SNTG1: variants seen among roughly 807,000 people sequenced by gnomAD.
The protein encoded by SNTG1 is syntrophin gamma 1.
A neutral mutation model predicts 74.7 loss-of-function variants in SNTG1; 39 were observed. That is an observed-to-expected ratio of 0.52 (90% CI 0.40 to 0.68). The LOEUF is 0.68. Ranked by LOEUF, SNTG1 falls within the 30% of genes least tolerant of loss-of-function variation. The pLI is 0.00. For synonymous variants in SNTG1, 254 were observed against 217.1 expected (o/e 1.17, Z -1.49); for missense variants, 685 against 609.5 (o/e 1.12, Z -1.30).
chr8:49,998,107 G>A (rs1340285407), intron 1 of SNTG1, among the ~76,000 whole-genome samples: 2 of 152,000 alleles, frequency 1.3e-5, no homozygotes, highest in African/African-American at 2.4e-5. Context: ...TAACAGCATG[G>A]TAAGCATTTG....
intron 2 of SNTG1, among the ~76,000 whole-genome samples, chr8:50,280,985 C>CAAAAAAAAAAAAAAAAAAAAAAAA (rs35973666): frequency 9.3e-5 from 7 of 75,416 alleles, no homozygotes; most frequent in Admixed American, 1.5e-4. Flanking sequence ...AACCCAGTCT[C>CAAAAAAAAAAAAAAAAAAAAAAAA]AAAAAAAAAA....
At chr8:50,784,180 A>G (rs569427814) in intron 18 of SNTG1, among the ~76,000 whole-genome samples, 1 of 152,230 alleles carries the variant, frequency 6.6e-6, no homozygotes, top group East Asian at 1.9e-4. Flanking sequence ...ATTAACATTT[A>G]CCTTTAAAAT....
chr8:50,106,015 C>T lies in SNTG1; in HGVS notation c.-102-66546C>T, dbSNP rs373026099. Among the ~76,000 whole-genome samples the T allele has an allele frequency of 7.9e-5, 12 of 152,186 alleles. No homozygotes were observed. In the East Asian group the frequency reaches 1.5e-3, roughly 20 times the overall value. On this transcript the variant is annotated intron_variant, in intron 1 of 18. Coordinates refer to ENST00000642720, the MANE Select transcript of SNTG1 (RefSeq NM_018967.5). ...ACTTACTCTCTTCCTATTTGGATGC[C>T]TTTTATTTCTTTCTCTTGCCTGATT...
intron 15 of SNTG1, among the ~76,000 whole-genome samples, chr8:50,703,862 T>C (rs1321094870): frequency 6.6e-6 from 1 of 152,186 alleles, no homozygotes; most frequent in African/African-American, 2.4e-5. Flanking sequence ...AGTTCATCAT[T>C]AACCCAAACA....
intron 13 of SNTG1, among the ~76,000 whole-genome samples, chr8:50,604,330 C>T (rs1174494137): frequency 6.6e-6 from 1 of 151,844 alleles, no homozygotes; most frequent in African/African-American, 2.4e-5. Context: ...GTGGGAGGAT[C>T]ACTTGAGCCC....
intron 12 of SNTG1, among the ~76,000 whole-genome samples, chr8:50,574,211 A>G (rs2094564490): frequency 6.6e-6 from 1 of 151,994 alleles, no homozygotes; most frequent in South Asian, 2.1e-4. Context: ...TTAAAATACT[A>G]TTTTTTACCA....
chr8:50,680,010 A>C (rs925037086), intron 15 of SNTG1, among the ~76,000 whole-genome samples: 1 of 152,144 alleles, frequency 6.6e-6, no homozygotes, highest in Non-Finnish European at 1.5e-5. Flanking sequence ...GCATGGAATC[A>C]AGAGCAGAAA....
chr8:50,506,831 A>C (rs1205562462), intron 9 of SNTG1, among the ~76,000 whole-genome samples: 1 of 151,940 alleles, frequency 6.6e-6, no homozygotes, highest in African/African-American at 2.4e-5. Context: ...TTCTGGCTAG[A>C]ACTTTTGGTT....
chr8:50,507,765 TG>T (rs2129835460), intron 9 of SNTG1, among the ~76,000 whole-genome samples: 1 of 152,190 alleles, frequency 6.6e-6, no homozygotes, highest in South Asian at 2.1e-4. Flanking sequence ...ACATGTGCCA[TG>T]TTGGTGTGCT....
upstream of SNTG1, chr8:49,911,310 G>A (rs891356997): frequency 5.3e-5 from 8 of 151,772 alleles, no homozygotes; most frequent in African/African-American, 1.5e-4. Flanking sequence ...GATTTTCCAC[G>A]GTACAAATCT....
At chr8:50,148,102 GT>G (rs1161004298) in intron 1 of SNTG1, among the ~76,000 whole-genome samples, 1 of 151,940 alleles carries the variant, frequency 6.6e-6, no homozygotes, top group Admixed American at 6.6e-5. Context: ...GTAACATAGC[GT>G]GTGTGTGTAT....
chr8:50,048,827 T>A (rs912562184), intron 1 of SNTG1, among the ~76,000 whole-genome samples: 1 of 152,148 alleles, frequency 6.6e-6, no homozygotes, highest in Non-Finnish European at 1.5e-5. Context: ...ATGTGAATAA[T>A]GGCAGTTGCC....
intron 2 of SNTG1, among the ~76,000 whole-genome samples, chr8:50,324,463 A>T (rs184120443): frequency 2.0e-5 from 3 of 152,228 alleles, no homozygotes; most frequent in Non-Finnish European, 4.4e-5. Context: ...GGTTCTTGTA[A>T]TGGTGCTTTT....
intron 11 of SNTG1, among the ~76,000 whole-genome samples, chr8:50,549,583 C>A (rs1018695651): frequency 1.3e-5 from 2 of 152,040 alleles, no homozygotes; most frequent in African/African-American, 4.8e-5. Context: ...TCCACTGGCT[C>A]CCCTGACTCT....
At chr8:50,719,418 A>T (rs1477673931) in intron 17 of SNTG1, among the ~76,000 whole-genome samples, 1 of 152,126 alleles carries the variant, frequency 6.6e-6, no homozygotes, top group Non-Finnish European at 1.5e-5. Context: ...CTTTCACCAG[A>T]CACCAAATCT....
chr8:50,012,297 C>T lies in SNTG1; in HGVS notation c.-103+100066C>T, dbSNP rs16914197. Among the ~76,000 whole-genome samples, 833 of 152,130 alleles carry T rather than the reference C, an allele frequency of 5.5e-3. 11 individuals carry two copies. The highest frequency in any genetic ancestry group is 0.019 in the African/African-American group (790 of 41,486). ...GTGGTTTATTTTACTACTTGCATGT[C>T]AATGGAATGTGGATATCGGGGCTGT... On this transcript the variant is annotated intron_variant, in intron 1 of 18. Transcript: ENST00000642720.
intron 2 of SNTG1, among the ~76,000 whole-genome samples, chr8:50,271,352 G>T (rs925746500): frequency 3.9e-5 from 6 of 152,104 alleles, no homozygotes; most frequent in African/African-American, 1.4e-4. Context: ...CTAAGACTCA[G>T]AAAGGTTTTA....
chr8:50,205,685 G>GT (rs1279413072), intron 2 of SNTG1, among the ~76,000 whole-genome samples: 1 of 152,104 alleles, frequency 6.6e-6, no homozygotes, highest in African/African-American at 2.4e-5. Flanking sequence ...TTCTTCTAGG[G>GT]TTTTTATGGT....
intron 1 of SNTG1, among the ~76,000 whole-genome samples, chr8:49,942,754 A>G (rs1292441633): frequency 6.6e-6 from 1 of 152,148 alleles, no homozygotes; most frequent in African/African-American, 2.4e-5. Context: ...TTGAGGTGGA[A>G]GACCACAGAG....
Sources: gnomAD v4.1 joint callset for allele counts (sites outside exome capture counted in the v4.1 genomes callset) on GRCh38, gnomAD v4.1.1 for gene constraint, MANE v1.5 for transcripts, NCBI Gene and HGNC (gene_info 2026-07-23, HGNC 2026-07-21) for gene names.